ATP8A1: variants seen among roughly 807,000 people sequenced by gnomAD.
ATP8A1 encodes the protein ATPase phospholipid transporting 8A1, also known as phospholipid-transporting ATPase IA.
In ATP8A1, 90 loss-of-function variants were observed where a neutral mutation model predicts 177.7. The observed-to-expected ratio is 0.51, with a 90% CI of 0.43 to 0.60. The LOEUF (loss-of-function observed/expected upper bound fraction) is 0.60. Among genes scored for constraint, ATP8A1 ranks in the 20% least tolerant of loss-of-function variants. The probability of loss-of-function intolerance (pLI) is 0.00; values close to 1 mark genes in which losing one functional copy is unlikely to be tolerated. For missense variants in ATP8A1, 1,072 were observed against 1,392.8 expected, an observed-to-expected ratio of 0.77 and a Z score of 3.67; for synonymous variants, 493 against 485.9, an observed-to-expected ratio of 1.01 and a Z score of -0.19.
At chr4:42,507,285 C>G in intron 22 of ATP8A1, 131 bp from the exon 23 acceptor site, 1 of 953,760 alleles carries the variant, frequency 1.0e-6, no homozygotes. Context: ...TAAATTCCAA[C>G]TATCCCATTG....
chr4:42,588,355 A>G, intron 7 of ATP8A1, 26 bp from the exon 8 acceptor site: 2 of 1,587,804 alleles, frequency 1.3e-6, no homozygotes, highest in Non-Finnish European at 8.6e-7. Flanking sequence ...GAGAAGCACA[A>G]AGATTTAGTG....
chr4:42,443,679 A>G lies in ATP8A1; in HGVS notation c.3016-7T>C, dbSNP rs753719903. ...ATATCGCTATGTGGCTGAACTGTAG[A>G]GCAAGGAAATCTGAGTCAAAAAAGT... On this transcript the variant is annotated splice_polypyrimidine_tract_variant and splice_region_variant and intron_variant, in intron 32 of 36. Coordinates refer to ENST00000381668, the MANE Select transcript of ATP8A1 (RefSeq NM_006095.2). 7.4e-7 allele frequency: 1 copy of G among 1,349,152 alleles called. No individual in the cohort carries two copies. Among genetic ancestry groups the G allele is most frequent in the Non-Finnish European group, 1.1e-6 (1 of 939,858 alleles). The allele number at this position is 1,349,152 out of a possible 1,614,324, so 83.6% of individuals were successfully genotyped here.
chr4:42,468,539 T>A (rs1720063066), intron 25 of ATP8A1, among the ~76,000 whole-genome samples: 2 of 152,058 alleles, frequency 1.3e-5, no homozygotes, highest in Admixed American at 6.6e-5. Flanking sequence ...GCAACCTGGA[T>A]GGAACTGAAG....
chr4:42,479,077 C>T (rs900199808), intron 25 of ATP8A1, among the ~76,000 whole-genome samples: 11 of 152,306 alleles, frequency 7.2e-5, no homozygotes, highest in Middle Eastern at 3.4e-3. Flanking sequence ...TAACTACCTC[C>T]TTCCATGTTC....
At chr4:42,549,261 A>C (rs573585731) in intron 18 of ATP8A1, among the ~76,000 whole-genome samples, 199 bp from the exon 19 acceptor site, 1 of 152,322 alleles carries the variant, frequency 6.6e-6, no homozygotes, top group African/African-American at 2.4e-5. Flanking sequence ...GAGAAAACCA[A>C]AAGGAAAACC....
At chr4:42,641,681 G>A (rs988799046) in intron 1 of ATP8A1, among the ~76,000 whole-genome samples, 3 of 152,102 alleles carry the variant, frequency 2.0e-5, no homozygotes, top group Non-Finnish European at 2.9e-5. Flanking sequence ...AGATAGAACT[G>A]AATTACAGCT....
chr4:42,470,397 G>A (rs1025268546), intron 25 of ATP8A1, among the ~76,000 whole-genome samples: 4 of 152,136 alleles, frequency 2.6e-5, no homozygotes, highest in African/African-American at 4.8e-5. Context: ...CTTACATGAA[G>A]CTTGTTTTGC....
intron 20 of ATP8A1, among the ~76,000 whole-genome samples, chr4:42,539,625 G>T (rs1438275814): frequency 6.6e-6 from 1 of 152,016 alleles, no homozygotes; most frequent in East Asian, 1.9e-4. Context: ...AGGGAACCCA[G>T]AAATAAAGTC....
intron 22 of ATP8A1, among the ~76,000 whole-genome samples, chr4:42,519,536 T>C (rs1356988241): frequency 6.6e-6 from 1 of 152,230 alleles, no homozygotes; most frequent in Non-Finnish European, 1.5e-5. Context: ...TTGGGTTCCT[T>C]AAGATTTCTT....
Position 42,578,170 on chromosome 4 carries a change from A to G in ATP8A1, c.1128+90T>C, listed in dbSNP as rs1040985381. ...ATACTGTGGTCAAGAAACGGTAGAT[A>G]TAATTAAAACCTTTTTTCTCCTGAG... is the stretch of plus-strand genomic sequence containing the variant. On this transcript the variant is annotated intron_variant, in intron 12 of 36. Transcript: ENST00000381668. 2.8e-5 allele frequency: 35 copies of G among 1,261,814 alleles called. 1 individual carries two copies. In the East Asian group the frequency reaches 8.4e-4, roughly 30 times the overall value. The allele number at this position is 1,261,814 out of a possible 1,614,324, so 78.2% of individuals were successfully genotyped here. A position where few individuals can be genotyped will look rare whatever the true frequency, so the allele number is the denominator to read the frequency against.
intron 5 of ATP8A1, among the ~76,000 whole-genome samples, chr4:42,601,398 G>A (rs1391461730): frequency 6.6e-6 from 1 of 150,768 alleles, no homozygotes. Flanking sequence ...AGAAGAAGAG[G>A]CTACTATTAA....
Position 42,472,196 on chromosome 4 carries a change from T to C in ATP8A1, c.2325-7120A>G, listed in dbSNP as rs182418021. ...TATGACACAATTCTTGAGGACTTGA[T>C]CTTCCCAAGTGAAATTGTGGGCAAG... On this transcript the variant is annotated intron_variant, in intron 25 of 36. Coordinates refer to ENST00000381668, the MANE Select transcript of ATP8A1 (RefSeq NM_006095.2). The C allele has an allele frequency of 1.4e-4, 87 of 600,610 alleles. No homozygotes were observed. The African/African-American group carries it at 1.6e-3, about 11-fold the overall frequency. 37.2% of individuals were successfully genotyped at this position (600,610 alleles called of 1,614,324 possible). A position where few individuals can be genotyped will look rare whatever the true frequency, so the allele number is the denominator to read the frequency against.
At chr4:42,432,038 C>G (rs1459617275) in intron 33 of ATP8A1, among the ~76,000 whole-genome samples, 2 of 152,198 alleles carry the variant, frequency 1.3e-5, no homozygotes, top group Non-Finnish European at 2.9e-5. Flanking sequence ...AGCGAGGTAT[C>G]TCTTCGGAGA....
Position 42,555,127 on chromosome 4 carries a change from ATCTATCTATCTAATCTATCTATCT to A in ATP8A1, c.1413+817_1413+840del, listed in dbSNP as rs1211828997. On this transcript the variant is annotated intron_variant, in intron 16 of 36. Coordinates refer to ENST00000381668, the MANE Select transcript of ATP8A1 (RefSeq NM_006095.2). ...TATCTATCTATCTATCTATCTATCT[ATCTATCTATCTAATCTATCTATCT>A]ATCTATCTATCTATCTATCTATCTA... Among the ~76,000 whole-genome samples the A allele has an allele frequency of 2.4e-3, 224 of 92,412 alleles. 3 individuals are homozygous for A. The highest frequency in any genetic ancestry group is 6.1e-3 in the East Asian group (21 of 3,458). The allele number at this position is 92,412 out of a possible 152,430, so 60.6% of individuals were successfully genotyped here. A position where few individuals can be genotyped will look rare whatever the true frequency, so the allele number is the denominator to read the frequency against.
chr4:42,552,715 T>C (rs1729627405), intron 16 of ATP8A1, 105 bp from the exon 17 acceptor site: 6 of 812,138 alleles, frequency 7.4e-6, no homozygotes, highest in Non-Finnish European at 9.7e-6. Context: ...TGGCCAGACA[T>C]GGTAGCTCAC....
At chr4:42,650,068 C>T (rs186642596) in intron 1 of ATP8A1, among the ~76,000 whole-genome samples, 13 of 152,304 alleles carry the variant, frequency 8.5e-5, no homozygotes, top group Admixed American at 3.9e-4. Flanking sequence ...TAGAGACCCA[C>T]GCAGCAAACA....
At chr4:42,490,499 C>T (rs560880869) in intron 24 of ATP8A1, among the ~76,000 whole-genome samples, 2 of 152,284 alleles carry the variant, frequency 1.3e-5, no homozygotes, top group African/African-American at 2.4e-5. Flanking sequence ...CCTGTCACTT[C>T]GGCAAACATC....
chr4:42,522,357 G>C, intron 21 of ATP8A1, 58 bp from the exon 22 acceptor site: 3 of 1,575,368 alleles, frequency 1.9e-6, no homozygotes, highest in Non-Finnish European at 1.7e-6. Context: ...AGAAGTCTGA[G>C]GTTTCTGTTT....
At chr4:42,515,474 A>C (rs1725435792) in intron 22 of ATP8A1, among the ~76,000 whole-genome samples, 1 of 152,202 alleles carries the variant, frequency 6.6e-6, no homozygotes, top group Non-Finnish European at 1.5e-5. Flanking sequence ...TATGTTGCAA[A>C]GGGCACTAAA....
Sources: gnomAD v4.1 joint callset for allele counts (sites outside exome capture counted in the v4.1 genomes callset) on GRCh38, gnomAD v4.1.1 for gene constraint, MANE v1.5 for transcripts, NCBI Gene and HGNC (gene_info 2026-07-23, HGNC 2026-07-21) for gene names.